PCNX1: variants seen among roughly 807,000 people sequenced by gnomAD.
The protein encoded by PCNX1 is pecanex-like protein 1.
PCNX1 carries 78 observed loss-of-function variants against 242.2 expected under a neutral mutation model. The ratio of observed to expected loss-of-function variants is 0.32; its 90% CI spans 0.27 to 0.39. PCNX1 has a LOEUF of 0.39. Among genes scored for constraint, PCNX1 ranks in the 10% least tolerant of loss-of-function variants. The pLI is 1.00. For synonymous variants in PCNX1, 1,024 were observed against 1,032.9 expected (o/e 0.99, Z 0.17); for missense variants, 2,581 against 2,856.5 (o/e 0.90, Z 2.20).
intron 23 of PCNX1, 59 bp downstream of exon 23, chr14:71,050,819 G>A: frequency 6.8e-7 from 1 of 1,467,312 alleles, no homozygotes; most frequent in South Asian, 1.2e-5. Flanking sequence ...TAAGAATGTT[G>A]GTTTATAGGC....
chr14:70,989,241 C>T, intron 7 of PCNX1, among the ~76,000 whole-genome samples: 1 of 149,024 alleles, frequency 6.7e-6, no homozygotes, highest in South Asian at 2.1e-4. Context: ...AACTAACATA[C>T]ATAATTTATG....
chr14:71,042,726 GT>G (rs1198661172), intron 19 of PCNX1, among the ~76,000 whole-genome samples: 1 of 151,960 alleles, frequency 6.6e-6, no homozygotes, highest in Non-Finnish European at 1.5e-5. Context: ...TACATTCAGG[GT>G]TTTTTGCTAG....
At chr14:70,952,889 C>T (rs1289600792) in intron 2 of PCNX1, among the ~76,000 whole-genome samples, 1 of 152,090 alleles carries the variant, frequency 6.6e-6, no homozygotes, top group East Asian at 1.9e-4. Context: ...GTATGAAAGT[C>T]CTTATTGTTC....
chr14:71,023,122 A>G (rs1478941565), intron 12 of PCNX1, 78 bp from the exon 13 acceptor site: 10 of 1,018,328 alleles, frequency 9.8e-6, no homozygotes, highest in Admixed American at 5.2e-5. Flanking sequence ...AAAATCATTC[A>G]TTTCAGGCAT....
intron 21 of PCNX1, 43 bp from the exon 22 acceptor site, chr14:71,047,764 T>G: frequency 6.7e-7 from 1 of 1,492,194 alleles, no homozygotes; most frequent in Non-Finnish European, 9.2e-7. Flanking sequence ...TCTCTTCTAA[T>G]GTTTTCAGTC....
At chr14:70,948,688 T>G (rs2057569445) in intron 2 of PCNX1, among the ~76,000 whole-genome samples, 2 of 149,870 alleles carry the variant, frequency 1.3e-5, no homozygotes, top group Admixed American at 6.6e-5. Context: ...TGTGTATATA[T>G]ACACGTGTAT....
chr14:71,025,276 A>T (rs1021211670), intron 13 of PCNX1, among the ~76,000 whole-genome samples: 3 of 152,192 alleles, frequency 2.0e-5, no homozygotes, highest in African/African-American at 7.2e-5. Context: ...TGATTTAGCC[A>T]TTGGGAGTCC....
rs1029595470 is a variant in PCNX1 at position 71,060,940 on chromosome 14, T to C, written c.4852+3216T>C. Among the ~76,000 whole-genome samples the C allele has an allele frequency of 4.6e-5, 7 of 152,204 alleles. No homozygotes were observed. The East Asian group carries it at 7.7e-4, about 17-fold the overall frequency. On this transcript the variant is annotated intron_variant, in intron 26 of 35. Transcript: ENST00000304743. Reference sequence around the variant, plus strand: ...GTGTGATTTTATTCAAGAATTGTTATTTATTGCATAATGTGAAAGCTGGTG... The same window carrying C: ...GTGTGATTTTATTCAAGAATTGTTACTTATTGCATAATGTGAAAGCTGGTG...
At chr14:70,976,714 C>G (rs1388176062) in intron 5 of PCNX1, among the ~76,000 whole-genome samples, 1 of 152,074 alleles carries the variant, frequency 6.6e-6, no homozygotes, top group Non-Finnish European at 1.5e-5. Context: ...GTCTATACAA[C>G]TCTTTCTGAG....
chr14:71,038,567 A>G (rs1267570740), intron 19 of PCNX1, among the ~76,000 whole-genome samples: 2 of 152,264 alleles, frequency 1.3e-5, no homozygotes, highest in East Asian at 3.9e-4. Context: ...TTAAAAAGTC[A>G]GGAAACAGGT....
chr14:70,917,920 T>C (rs904087940), intron 1 of PCNX1, among the ~76,000 whole-genome samples: 1 of 152,248 alleles, frequency 6.6e-6, no homozygotes, highest in Non-Finnish European at 1.5e-5. Flanking sequence ...GATAACTTGC[T>C]GCAGCTTCTA....
At chr14:70,955,656 G>A (rs1256497570) in intron 2 of PCNX1, among the ~76,000 whole-genome samples, 8 of 152,078 alleles carry the variant, frequency 5.3e-5, no homozygotes, top group Non-Finnish European at 1.5e-5. Context: ...AGACCACTTT[G>A]CTACTGTGAG....
chr14:71,027,043 T>C (rs2060260599), intron 15 of PCNX1, 161 bp downstream of exon 15: 1 of 472,300 alleles, frequency 2.1e-6, no homozygotes, highest in East Asian at 3.5e-5. Flanking sequence ...AATTAATTTG[T>C]GGATAGGAAA....
chr14:70,919,828 C>T lies in PCNX1; in HGVS notation c.153+11825C>T, dbSNP rs2526869. ...GCAGTTGCATCTTTTATAACTTGCACTGTCAGTGCTAGTTGCTTTGTGTTA... is the reference window on the plus strand; with the variant it reads ...GCAGTTGCATCTTTTATAACTTGCATTGTCAGTGCTAGTTGCTTTGTGTTA... On this transcript the variant is annotated intron_variant, in intron 1 of 35. Transcript: ENST00000304743. 3.7e-3 allele frequency among the ~76,000 whole-genome samples: 553 copies of T among 147,708 alleles called. 2 individuals carry two copies. The highest frequency in any genetic ancestry group is 0.013 in the African/African-American group (532 of 40,076).
chr14:71,076,987 A>G lies in PCNX1; in HGVS notation c.5337+568A>G, dbSNP rs1389464370. On this transcript the variant is annotated intron_variant, in intron 28 of 35. Coordinates refer to ENST00000304743, the MANE Select transcript of PCNX1 (RefSeq NM_014982.3). ...GTGACTACCATATTAGACAGTGTGC[A>G]TCTAGACCATTGATTTTCAAATGTT... 2.6e-5 allele frequency among the ~76,000 whole-genome samples: 4 copies of G among 152,192 alleles called. No individual in the cohort carries two copies. In the South Asian group the frequency reaches 8.3e-4, roughly 31 times the overall value.
Position 71,088,441 on chromosome 14 carries a change from C to G in PCNX1, c.5438+11C>G, listed in dbSNP as rs1169683962. Reference sequence around the variant, plus strand: ...CCATCATATGTCCAGGTAAAGAAGGCATTTCTGTTCTGAGGAAGAGAGCAT... The same window carrying G: ...CCATCATATGTCCAGGTAAAGAAGGGATTTCTGTTCTGAGGAAGAGAGCAT... On this transcript the variant is annotated intron_variant, in intron 29 of 35. Coordinates refer to ENST00000304743, the MANE Select transcript of PCNX1 (RefSeq NM_014982.3). 6 of 1,508,022 alleles carry G rather than the reference C, an allele frequency of 4.0e-6. No homozygotes were observed. Among genetic ancestry groups the G allele is most frequent in the Non-Finnish European group, 5.5e-6 (6 of 1,084,126 alleles). The allele number at this position is 1,508,022 out of a possible 1,614,324, so 93.4% of individuals were successfully genotyped here. A position where few individuals can be genotyped will look rare whatever the true frequency, so the allele number is the denominator to read the frequency against.
chr14:71,031,433 C>A (rs908502470), intron 16 of PCNX1, among the ~76,000 whole-genome samples: 7 of 152,188 alleles, frequency 4.6e-5, no homozygotes, highest in African/African-American at 1.7e-4. Flanking sequence ...CACCTGAAAA[C>A]AAGGTCCAGA....
chr14:70,967,136 T>G (rs2058404509), intron 3 of PCNX1, among the ~76,000 whole-genome samples: 1 of 152,222 alleles, frequency 6.6e-6, no homozygotes, highest in South Asian at 2.1e-4. Context: ...AGTGCACACC[T>G]TCAGTGTACA....
Position 71,098,545 on chromosome 14 carries a change from T to A in PCNX1, c.5590-3445T>A, listed in dbSNP as rs371410993. On this transcript the variant is annotated intron_variant, in intron 30 of 35. Transcript: ENST00000304743. ...GTGTGTGTGTGTGTGTGTGTGTGTGTGTGTGTGTGAGAGAGAGAGAGAGAA... is the reference window on the plus strand; with the variant it reads ...GTGTGTGTGTGTGTGTGTGTGTGTGAGTGTGTGTGAGAGAGAGAGAGAGAA... Among the ~76,000 whole-genome samples the A allele has an allele frequency of 5.0e-3, 486 of 98,140 alleles. 2 individuals carry two copies. Among genetic ancestry groups the A allele is most frequent in the Middle Eastern group, 0.013 (2 of 154 alleles). 64.4% of individuals were successfully genotyped at this position (98,140 alleles called of 152,430 possible). A position where few individuals can be genotyped will look rare whatever the true frequency, so the allele number is the denominator to read the frequency against.
Sources: gnomAD v4.1 joint callset for allele counts (sites outside exome capture counted in the v4.1 genomes callset) on GRCh38, gnomAD v4.1.1 for gene constraint, MANE v1.5 for transcripts, NCBI Gene and HGNC (gene_info 2026-07-23, HGNC 2026-07-21) for gene names.